Variants in RAB40B observed in about 807,000 individuals in gnomAD.
RAB40B encodes ras-related protein Rab-40B.
A neutral mutation model predicts 24.0 loss-of-function variants in RAB40B; 21 were observed. The observed-to-expected ratio is 0.88, with a 90% CI of 0.62 to 1.26. The LOEUF (loss-of-function observed/expected upper bound fraction) is 1.26. Ranked by LOEUF, RAB40B falls within the 50% of genes most tolerant of loss-of-function variation. The pLI is 0.00. For synonymous variants in RAB40B, 167 were observed against 169.8 expected (o/e 0.98, Z 0.13); for missense variants, 348 against 390.5 (o/e 0.89, Z 0.92).
At position 82,681,249 on chromosome 17, in the gene RAB40B, C is replaced by A. The variant is rs1398238364; in HGVS notation, c.143-16693G>T. Among the ~76,000 whole-genome samples the A allele has an allele frequency of 6.1e-4, 92 of 151,982 alleles. 2 individuals carry two copies. The highest frequency in any genetic ancestry group is 1.5e-5 in the Non-Finnish European group (1 of 68,008). On this transcript the variant is annotated intron_variant, in intron 1 of 5. Coordinates refer to ENST00000571995, the MANE Select transcript of RAB40B (RefSeq NM_006822.3). Reference sequence around the variant, plus strand: ...CCTTAGTGAAGATTTGGCTAAAAATCAATTTATATAACTCAAAGATTGCTG... The same window carrying A: ...CCTTAGTGAAGATTTGGCTAAAAATAAATTTATATAACTCAAAGATTGCTG...
At position 82,657,609 on chromosome 17, in the gene RAB40B, A is replaced by G; in HGVS notation, c.*254T>C. 1.7e-6 allele frequency: 1 copy of G among 598,584 alleles called. No individual in the cohort carries two copies. The highest frequency in any genetic ancestry group is 3.1e-6 in the Non-Finnish European group (1 of 326,000). 37.1% of individuals were successfully genotyped at this position (598,584 alleles called of 1,614,324 possible). A position where few individuals can be genotyped will look rare whatever the true frequency, so the allele number is the denominator to read the frequency against. ...ATGATAAAGTAACATTCAGAATTTC[A>G]TGTTACCAAGAGTCGAGCAGAGTAC... On this transcript the variant is annotated 3_prime_UTR_variant, in exon 6 of 6. Transcript: ENST00000571995.
chr17:82,671,212 ACT>A (rs2046327428), intron 1 of RAB40B, among the ~76,000 whole-genome samples: 1 of 119,152 alleles, frequency 8.4e-6, no homozygotes, highest in Non-Finnish European at 1.9e-5. Context: ...TCTAACACAC[ACT>A]CACACGCTCC....
In RAB40B at chr17:82,691,887, C is replaced by T. The variant is rs542324497; in HGVS notation, c.142+6568G>A. 9.7e-4 allele frequency among the ~76,000 whole-genome samples: 148 copies of T among 152,068 alleles called. 2 individuals carry two copies. Among genetic ancestry groups the T allele is most frequent in the African/African-American group, 2.1e-3 (86 of 41,350 alleles). ...ACTTCCGAGGGGAAAGAGCGTGAACCGGGGACCCAGCTGCCAGACGGAAAT... is the reference window on the plus strand; with the variant it reads ...ACTTCCGAGGGGAAAGAGCGTGAACTGGGGACCCAGCTGCCAGACGGAAAT... On this transcript the variant is annotated intron_variant, in intron 1 of 5. Coordinates refer to ENST00000571995, the MANE Select transcript of RAB40B (RefSeq NM_006822.3).
At chr17:82,658,882 G>T in intron 4 of RAB40B, 169 bp from the exon 5 acceptor site, 1 of 620,038 alleles carries the variant, frequency 1.6e-6, no homozygotes, top group Non-Finnish European at 2.8e-6. Context: ...AAATAGTTAC[G>T]GTGCGGCCGC....
chr17:82,689,225 A>G (rs1283084174), intron 1 of RAB40B, among the ~76,000 whole-genome samples: 1 of 152,222 alleles, frequency 6.6e-6, no homozygotes, highest in Non-Finnish European at 1.5e-5. Flanking sequence ...GGGCAGGAGG[A>G]GCAGTGAGCA....
In RAB40B at chr17:82,657,162, A is replaced by G. The variant is rs2046092435; in HGVS notation, c.*701T>C. 6.4e-6 allele frequency: 1 copy of G among 155,574 alleles called. No individual in the cohort carries two copies. Among genetic ancestry groups the G allele is most frequent in the Non-Finnish European group, 1.4e-5 (1 of 70,060 alleles). 9.6% of individuals were successfully genotyped at this position (155,574 alleles called of 1,614,324 possible). A position where few individuals can be genotyped will look rare whatever the true frequency, so the allele number is the denominator to read the frequency against. On this transcript the variant is annotated 3_prime_UTR_variant, in exon 6 of 6. Coordinates refer to ENST00000571995, the MANE Select transcript of RAB40B (RefSeq NM_006822.3). ...TCTTTACTGAAACAGCTCTTCCTTG[A>G]CATGTCGAAACTGTGCTGGCTGTGT...
At chr17:82,659,424 G>A (rs557087051) in intron 4 of RAB40B, 156 bp downstream of exon 4, 12 of 655,510 alleles carry the variant, frequency 1.8e-5, no homozygotes, top group South Asian at 1.1e-4. Context: ...GTGTTGTGCC[G>A]AGGTGAGGCA....
chr17:82,662,071 G>A (rs1475093361), intron 2 of RAB40B: 2 of 985,236 alleles, frequency 2.0e-6, no homozygotes, highest in African/African-American at 1.7e-5. Flanking sequence ...CCCCGCACAC[G>A]AGACACAACC....
At chr17:82,678,880 T>TG (rs2046420891) in intron 1 of RAB40B, among the ~76,000 whole-genome samples, 1 of 6,028 alleles carries the variant, frequency 1.7e-4, no homozygotes, top group South Asian at 4.9e-3. Flanking sequence ...CCTTTCTGCG[T>TG]TTTTTTTTTT....
chr17:82,694,955 G>A (rs1392441851), intron 1 of RAB40B, among the ~76,000 whole-genome samples: 1 of 151,804 alleles, frequency 6.6e-6, no homozygotes, highest in Non-Finnish European at 1.5e-5. Context: ...AGGTGATTAA[G>A]AGGGACAGCA....
rs527849219 is a variant in RAB40B, at chr17:82,691,751, G to T, written c.142+6704C>A. ...ACTCAGAGAAGGGACACAATCTGGT[G>T]TTGGAAGCACCAGCTGGGGTGGCGG... On this transcript the variant is annotated intron_variant, in intron 1 of 5. Transcript: ENST00000571995. Among the ~76,000 whole-genome samples the T allele has an allele frequency of 2.2e-4, 34 of 152,340 alleles. No homozygotes were observed. The South Asian group carries it at 6.6e-3, about 30-fold the overall frequency.
chr17:82,672,299 G>C lies in RAB40B; in HGVS notation c.143-7743C>G, dbSNP rs113052368. 8.8e-4 allele frequency among the ~76,000 whole-genome samples: 4 copies of C among 4,532 alleles called. 1 individual carries two copies. The highest frequency in any genetic ancestry group is 1.3e-3 in the Non-Finnish European group (3 of 2,396). The allele number at this position is 4,532 out of a possible 152,430, so 3.0% of individuals were successfully genotyped here. ...GTAACTCTAACACACAAACTCACAC[G>C]CTCCCTGTACTGACACACCCCACCC... On this transcript the variant is annotated intron_variant, in intron 1 of 5. Coordinates refer to ENST00000571995, the MANE Select transcript of RAB40B (RefSeq NM_006822.3).
intron 3 of RAB40B, among the ~76,000 whole-genome samples, chr17:82,660,004 G>A (rs2046141981): frequency 6.6e-6 from 1 of 152,204 alleles, no homozygotes; most frequent in South Asian, 2.1e-4. Context: ...TACACATGGA[G>A]CTCACGCACA....
chr17:82,664,730 C>T, intron 1 of RAB40B, 174 bp from the exon 2 acceptor site: 2 of 607,788 alleles, frequency 3.3e-6, no homozygotes, highest in Non-Finnish European at 2.9e-6. Flanking sequence ...CTGCCTGCGC[C>T]CTCCCGCACC....
At chr17:82,683,866 A>T (rs533439221) in intron 1 of RAB40B, among the ~76,000 whole-genome samples, 4 of 152,176 alleles carry the variant, frequency 2.6e-5, no homozygotes, top group South Asian at 2.1e-4. Flanking sequence ...ATCTGAAAAG[A>T]CACTTCACCA....
intron 2 of RAB40B, chr17:82,662,003 G>T: frequency 1.0e-6 from 1 of 985,382 alleles, no homozygotes; most frequent in South Asian, 4.7e-5. Context: ...CCCGGAGTCT[G>T]CACATGCAAC....
In RAB40B at chr17:82,675,717, A is replaced by G. The variant is rs1169538474; in HGVS notation, c.143-11161T>C. Reference sequence around the variant, plus strand: ...GCTGGAGGGGCGAGGGAGCTCTTGGATGCTTCACTCATCCCATCCACAAAG... The same window carrying G: ...GCTGGAGGGGCGAGGGAGCTCTTGGGTGCTTCACTCATCCCATCCACAAAG... On this transcript the variant is annotated intron_variant, in intron 1 of 5. Coordinates refer to ENST00000571995, the MANE Select transcript of RAB40B (RefSeq NM_006822.3). The surrounding 1 kb of genome is among the most constrained non-coding windows in gnomAD (Gnocchi z 4.5). Among the ~76,000 whole-genome samples the G allele has an allele frequency of 6.6e-6, 1 of 151,998 alleles. No homozygotes were observed. The highest frequency in any genetic ancestry group is 1.5e-5 in the Non-Finnish European group (1 of 67,996).
chr17:82,677,767 G>A (rs995604412), intron 1 of RAB40B, among the ~76,000 whole-genome samples: 4 of 152,178 alleles, frequency 2.6e-5, no homozygotes, highest in African/African-American at 7.2e-5. Context: ...TGGAACCCCC[G>A]GATGTGGGGC....
At chr17:82,662,897 A>G (rs915684758) in intron 2 of RAB40B, among the ~76,000 whole-genome samples, 6 of 152,156 alleles carry the variant, frequency 3.9e-5, no homozygotes, top group Admixed American at 1.3e-4. Context: ...TTAGGAAGGC[A>G]CTGAGCTCAG....
Sources: allele counts gnomAD v4.1 joint callset (sites outside exome capture counted in the v4.1 genomes callset), GRCh38; gene constraint gnomAD v4.1.1; non-coding constraint Gnocchi (gnomAD v3.1); transcripts MANE v1.5; gene names NCBI Gene and HGNC (gene_info 2026-07-23, HGNC 2026-07-21).